ZNF609: variants seen among roughly 807,000 people sequenced by gnomAD.
ZNF609 encodes the protein zinc finger protein 609.
Under a neutral mutation model 109.5 loss-of-function variants are expected in ZNF609, and 11 were observed. The observed-to-expected ratio is 0.10, with a 90% CI of 0.06 to 0.17. ZNF609 has a LOEUF of 0.17. ZNF609 is among the 10% of genes least tolerant of loss of function. The pLI is 1.00. For synonymous variants in ZNF609, 646 were observed against 662.0 expected (o/e 0.98, Z 0.37); for missense variants, 1,559 against 1,772.4 (o/e 0.88, Z 2.16).
chr15:64,550,257 G>T (rs1197386260), intron 2 of ZNF609, among the ~76,000 whole-genome samples: 1 of 152,076 alleles, frequency 6.6e-6, no homozygotes, highest in Non-Finnish European at 1.5e-5. Flanking sequence ...GCCCAGCTGT[G>T]TATCTTCTTT....
rs111749212 is a variant in ZNF609 at position 64,500,074 on chromosome 15, C to A, written c.655C>A (p.Pro219Thr). ...GCCACTTGGGAGTATAGCTATTGAG[C>A]CTGGGGCAGCGCTCAATCCTTTGGG... ...VEPLGSIAIE[P>T]GAALNPLGTK... The change falls in exon 2 of 10, where the codon CCT becomes ACT. Residue 219 changes from proline to threonine, a missense_variant. Pro to Thr is a conservative substitution (Grantham distance 38). Around this residue, in one of 4 missense-constraint regions of ZNF609, gnomAD observed 291 missense variants for 317.8 expected, o/e 0.92. Coordinates refer to ENST00000326648, the MANE Select transcript of ZNF609 (RefSeq NM_015042.2). 122 of 1,614,018 alleles carry A rather than the reference C, an allele frequency of 7.6e-5. 2 individuals carry two copies. Among genetic ancestry groups the A allele is most frequent in the Middle Eastern group, 4.9e-4 (3 of 6,062 alleles).
chr15:64,536,236 G>A (rs767477818), intron 2 of ZNF609, among the ~76,000 whole-genome samples: 26 of 152,102 alleles, frequency 1.7e-4, no homozygotes, highest in Non-Finnish European at 3.1e-4. Context: ...TGCTGAGGCT[G>A]GTGTTTAACT....
intron 1 of ZNF609, among the ~76,000 whole-genome samples, chr15:64,468,305 C>G (rs1893043711): frequency 6.6e-6 from 1 of 150,630 alleles, no homozygotes; most frequent in African/African-American, 2.4e-5. Flanking sequence ...ATTTTCTCCT[C>G]TCTCCTCCTC....
chr15:64,529,326 C>A lies in ZNF609; in HGVS notation c.747+29160C>A, dbSNP rs1375871458. The A allele has an allele frequency of 1.2e-5, 9 of 720,846 alleles. No individual in the cohort carries two copies. In the Admixed American group the frequency reaches 1.4e-4, roughly 11 times the overall value. 44.7% of individuals were successfully genotyped at this position (720,846 alleles called of 1,614,324 possible). A position where few individuals can be genotyped will look rare whatever the true frequency, so the allele number is the denominator to read the frequency against. On this transcript the variant is annotated intron_variant, in intron 2 of 9. Transcript: ENST00000326648. ...GACAGAGATGTTGACCCTTTTGGCT[C>A]CCCCCTGCAAGTGAGCCCCAGCCTT...
At chr15:64,621,814 C>T (rs915534810) in intron 2 of ZNF609, among the ~76,000 whole-genome samples, 2 of 151,286 alleles carry the variant, frequency 1.3e-5, no homozygotes, top group African/African-American at 4.9e-5. Flanking sequence ...CAACCTCTGC[C>T]TCCCAGGTTC....
intron 2 of ZNF609, among the ~76,000 whole-genome samples, chr15:64,603,353 C>T (rs1411716511): frequency 2.0e-5 from 3 of 151,346 alleles, no homozygotes; most frequent in Non-Finnish European, 4.4e-5. Context: ...TCACTGCAAC[C>T]TCCACCTCCC....
chr15:64,579,661 G>C (rs1322417853), intron 2 of ZNF609, among the ~76,000 whole-genome samples: 1 of 151,296 alleles, frequency 6.6e-6, no homozygotes, highest in Non-Finnish European at 1.5e-5. Context: ...AGTGAGCTGT[G>C]ATCTTGCTAC....
chr15:64,565,162 C>T (rs1340718077), intron 2 of ZNF609, among the ~76,000 whole-genome samples: 5 of 149,976 alleles, frequency 3.3e-5, no homozygotes, highest in Admixed American at 1.3e-4. Flanking sequence ...TGGGTTCAAG[C>T]AATTCTCCTG....
At chr15:64,544,642 C>A (rs886145006) in intron 2 of ZNF609, among the ~76,000 whole-genome samples, 4 of 152,194 alleles carry the variant, frequency 2.6e-5, no homozygotes, top group Admixed American at 2.6e-4. Context: ...TCTCCTACAG[C>A]CTTATCTGAA....
intron 2 of ZNF609, among the ~76,000 whole-genome samples, chr15:64,594,054 G>T (rs527907801): frequency 6.6e-6 from 1 of 152,132 alleles, no homozygotes; most frequent in African/African-American, 2.4e-5. Context: ...GCATGGCTCT[G>T]CCCTCTTGAA....
rs1451585860 is a variant in ZNF609 at position 64,678,247 on chromosome 15, C to G, written c.3534C>G (p.Val1178=). ...KEERSRSKDS[V]PKEDGKESTS... ...AAAGGAGTCGGAGTAAGGACTCTGT[C>G]CCCAAGGAAGATGGGAAGGAAAGCA... Residue 1178 remains valine (V), a synonymous_variant, in exon 6 of 10, where the codon GTC becomes GTG. Coordinates refer to ENST00000326648, the MANE Select transcript of ZNF609 (RefSeq NM_015042.2). 3 of 1,614,024 alleles carry G rather than the reference C, an allele frequency of 1.9e-6. No individual in the cohort carries two copies. Among genetic ancestry groups the G allele is most frequent in the African/African-American group, 1.3e-5 (1 of 74,904 alleles).
intron 2 of ZNF609, among the ~76,000 whole-genome samples, chr15:64,591,724 ATTTT>A (rs771812223): frequency 2.8e-5 from 4 of 142,652 alleles, no homozygotes; most frequent in African/African-American, 1.0e-4. Flanking sequence ...ACTAAAAATA[ATTTT>A]TTTTTTTTTT....
intron 3 of ZNF609, among the ~76,000 whole-genome samples, chr15:64,638,034 C>CATATATATAT (rs35928856): frequency 3.0e-5 from 4 of 133,932 alleles, no homozygotes; most frequent in African/African-American, 1.1e-4. Flanking sequence ...TATAAAAATA[C>CATATATATAT]ATATATATAT....
chr15:64,680,294 C>T lies in ZNF609; in HGVS notation c.3879C>T (p.Ser1293=), dbSNP rs759559576. ...RASPSVTCKS[S]SESKALDILQ... ...GCCCCAGTGTGACTTGTAAATCCAG[C>T]TCAGAGTCCAAAGCCCTGGACATCT... is the stretch of plus-strand genomic sequence containing the variant. The change falls in exon 7 of 10, where the codon AGC becomes AGT. Residue 1293 remains serine, a synonymous_variant. Transcript: ENST00000326648. 7 of 1,614,228 alleles carry T rather than the reference C, an allele frequency of 4.3e-6. No homozygotes were observed. The South Asian group carries it at 6.6e-5, about 15-fold the overall frequency.
chr15:64,670,292 C>T (rs1407024236), intron 3 of ZNF609, 54 bp from the exon 4 acceptor site: 1 of 1,434,816 alleles, frequency 7.0e-7, no homozygotes, highest in African/African-American at 1.4e-5. Flanking sequence ...GAATACTATT[C>T]TCAGTGGCAA....
chr15:64,573,454 AT>A (rs1422653104), intron 2 of ZNF609, among the ~76,000 whole-genome samples: 1 of 138,590 alleles, frequency 7.2e-6, no homozygotes, highest in African/African-American at 2.6e-5. Flanking sequence ...TGCCGGGTTC[AT>A]ACCATTCTCC....
At chr15:64,615,951 T>G (rs1303140268) in intron 2 of ZNF609, among the ~76,000 whole-genome samples, 1 of 152,206 alleles carries the variant, frequency 6.6e-6, no homozygotes, top group Admixed American at 6.5e-5. Flanking sequence ...TTTTTGTCTG[T>G]GAAGGTGAAG....
intron 2 of ZNF609, among the ~76,000 whole-genome samples, chr15:64,504,507 T>C (rs947299867): frequency 2.0e-5 from 3 of 152,336 alleles, no homozygotes; most frequent in Non-Finnish European, 4.4e-5. Flanking sequence ...AGACTCACTC[T>C]GTCACCCAGG....
intron 3 of ZNF609, among the ~76,000 whole-genome samples, chr15:64,625,436 C>T (rs1283350560): frequency 6.6e-6 from 1 of 152,084 alleles, no homozygotes; most frequent in Non-Finnish European, 1.5e-5. Flanking sequence ...AGGATAATCA[C>T]TTGAACCCCG....
Sources: gnomAD v4.1 joint callset for allele counts (sites outside exome capture counted in the v4.1 genomes callset) on GRCh38, gnomAD v4.1.1 for gene constraint, gnomAD v4.1.1 regional missense constraint, MANE v1.5 for transcripts, NCBI Gene and HGNC (gene_info 2026-07-23, HGNC 2026-07-21) for gene names.